The following DTNA variants were observed in gnomAD, a reference collection of about 807,000 sequenced individuals.
The protein encoded by DTNA is dystrophin-related protein 3.
In DTNA, 43 loss-of-function variants were observed where a neutral mutation model predicts 100.7. The observed-to-expected ratio is 0.43, with a 90% CI of 0.33 to 0.55. DTNA has a LOEUF of 0.55. Among genes scored for constraint, DTNA ranks in the 20% least tolerant of loss-of-function variants. DTNA has a pLI of 0.04. For synonymous variants in DTNA, 349 were observed against 347.9 expected (o/e 1.00, Z -0.04); for missense variants, 798 against 953.9 (o/e 0.84, Z 2.15).
Position 34,766,004 on chromosome 18 carries a change from A to G in DTNA, c.111A>G (p.Thr37=), listed in dbSNP as rs771774191. The stretch of plus-strand genomic sequence containing the variant: ...GCATCCGACTCTCCACCTACAGAAC[A>G]GCATGCAAGCTTAGGTTTGTTCAGA... ...LDRIRLSTYR[T]ACKLRFVQKK... The change falls in exon 3 of 23, where the codon ACA becomes ACG. Residue 37 remains threonine, a synonymous_variant. Coordinates refer to ENST00000444659, the MANE Select transcript of DTNA (RefSeq NM_001386795.1). 6.2e-7 allele frequency: 1 copy of G among 1,613,844 alleles called. No homozygotes were observed. The highest frequency in any genetic ancestry group is 8.5e-7 in the Non-Finnish European group (1 of 1,179,762).
At chr18:34,557,129 T>A (rs542507856) in intron 1 of DTNA, among the ~76,000 whole-genome samples, 1 of 148,006 alleles carries the variant, frequency 6.8e-6, no homozygotes, top group African/African-American at 2.6e-5. Context: ...CATCTTCCAT[T>A]GCTGATACCC....
intron 1 of DTNA, among the ~76,000 whole-genome samples, chr18:34,631,636 C>A (rs1189934683): frequency 6.6e-6 from 1 of 152,198 alleles, no homozygotes; most frequent in East Asian, 1.9e-4. Flanking sequence ...AAAGCACATT[C>A]TTTTAATTCA....
At chr18:34,823,233 C>A (rs1392023029) in intron 9 of DTNA, among the ~76,000 whole-genome samples, 1 of 152,002 alleles carries the variant, frequency 6.6e-6, no homozygotes, top group Admixed American at 6.6e-5. Context: ...TGGTATTAAG[C>A]CTTAATCATT....
At chr18:34,539,463 A>T (rs762717544) in intron 1 of DTNA, among the ~76,000 whole-genome samples, 4 of 151,970 alleles carry the variant, frequency 2.6e-5, no homozygotes, top group African/African-American at 9.7e-5. Context: ...TAATTTAGAA[A>T]ATTAGGGGCA....
chr18:34,843,716 C>CAT (rs1338412379), intron 13 of DTNA, among the ~76,000 whole-genome samples: 2 of 152,050 alleles, frequency 1.3e-5, no homozygotes, highest in Non-Finnish European at 2.9e-5. Context: ...TGAGGGTATT[C>CAT]ATATGCTTTA....
chr18:34,890,593 C>T lies in DTNA; in HGVS notation c.*2859C>T. The T allele has an allele frequency of 8.7e-7, 1 of 1,149,356 alleles. No homozygotes were observed. The highest frequency in any genetic ancestry group is 1.2e-6 in the Non-Finnish European group (1 of 834,406). The allele number at this position is 1,149,356 out of a possible 1,614,324, so 71.2% of individuals were successfully genotyped here. A position where few individuals can be genotyped will look rare whatever the true frequency, so the allele number is the denominator to read the frequency against. On this transcript the variant is annotated 3_prime_UTR_variant, in exon 23 of 23. Coordinates refer to ENST00000444659, the MANE Select transcript of DTNA (RefSeq NM_001386795.1). ...GCACTGGTCTAACACAGCCAACCCTCCTCCACAGCGCCATATTAATGGAGG... is the reference window on the plus strand; with the variant it reads ...GCACTGGTCTAACACAGCCAACCCTTCTCCACAGCGCCATATTAATGGAGG...
At chr18:34,773,393 C>G (rs867349815) in intron 3 of DTNA, among the ~76,000 whole-genome samples, 1 of 152,086 alleles carries the variant, frequency 6.6e-6, no homozygotes, top group Non-Finnish European at 1.5e-5. Flanking sequence ...CAAGAGAAAT[C>G]GAACCAGAGA....
chr18:34,502,233 G>A (rs1211499539), intron 1 of DTNA, among the ~76,000 whole-genome samples: 1 of 152,090 alleles, frequency 6.6e-6, no homozygotes, highest in Admixed American at 6.6e-5. Context: ...TTTCATTCCT[G>A]ATGTTACTAA....
intron 13 of DTNA, among the ~76,000 whole-genome samples, chr18:34,847,734 T>C (rs2096405743): frequency 6.6e-6 from 1 of 152,204 alleles, no homozygotes; most frequent in Non-Finnish European, 1.5e-5. Context: ...AAGTCCAAGA[T>C]GGAAGCCATG....
chr18:34,781,389 T>C (rs143780276), intron 3 of DTNA, among the ~76,000 whole-genome samples: 176 of 152,344 alleles, frequency 1.2e-3, no homozygotes, highest in Middle Eastern at 6.8e-3. Context: ...CATTTCTTTG[T>C]GATTAGAGCA....
intron 17 of DTNA, chr18:34,866,506 G>T (rs2096706089): frequency 2.6e-6 from 3 of 1,150,360 alleles, no homozygotes; most frequent in Non-Finnish European, 3.2e-6. Context: ...ATACCCTGAG[G>T]TTCATGTCAT....
chr18:34,643,090 A>G (rs1302968742), intron 1 of DTNA, among the ~76,000 whole-genome samples: 2 of 152,216 alleles, frequency 1.3e-5, no homozygotes. Context: ...TTTGACGACT[A>G]TTTCTGGTAA....
At chr18:34,734,896 TG>T (rs1162497762) in intron 1 of DTNA, among the ~76,000 whole-genome samples, 2 of 152,168 alleles carry the variant, frequency 1.3e-5, no homozygotes, top group Non-Finnish European at 2.9e-5. Context: ...CTTAGCATTT[TG>T]TGGTCTAATC....
intron 1 of DTNA, chr18:34,558,230 C>T (rs374444564): frequency 2.0e-4 from 30 of 153,172 alleles, no homozygotes; most frequent in Non-Finnish European, 2.0e-4. Flanking sequence ...CTTCGGCTCA[C>T]GCACGGTGTG....
At chr18:34,680,509 T>G (rs2077959436) in intron 1 of DTNA, among the ~76,000 whole-genome samples, 1 of 152,136 alleles carries the variant, frequency 6.6e-6, no homozygotes, top group Non-Finnish European at 1.5e-5. Context: ...ACAATTCCAA[T>G]AAAATAATGC....
At chr18:34,630,208 C>A (rs1470533279) in intron 1 of DTNA, among the ~76,000 whole-genome samples, 1 of 151,938 alleles carries the variant, frequency 6.6e-6, no homozygotes, top group Admixed American at 6.6e-5. Flanking sequence ...CACGTCTGGG[C>A]GGGTGATTTA....
At chr18:34,839,565 TAAAGGA>T (rs2149732276) in intron 13 of DTNA, among the ~76,000 whole-genome samples, 2 of 152,288 alleles carry the variant, frequency 1.3e-5, no homozygotes, top group East Asian at 3.9e-4. Flanking sequence ...CAGCTTGAAT[TAAAGGA>T]AAAGGACAAA....
At chr18:34,549,340 G>A (rs2045150112) in intron 1 of DTNA, among the ~76,000 whole-genome samples, 1 of 151,992 alleles carries the variant, frequency 6.6e-6, no homozygotes, top group African/African-American at 2.4e-5. Context: ...TATAATCGAA[G>A]CATTTCTTTC....
upstream of DTNA, chr18:34,709,645 G>A (rs1472943612): frequency 6.6e-6 from 1 of 152,152 alleles, no homozygotes; most frequent in Non-Finnish European, 1.5e-5. Context: ...AGCAAATATA[G>A]CCTGATCGAT....
Sources: allele counts gnomAD v4.1 joint callset (sites outside exome capture counted in the v4.1 genomes callset), GRCh38; gene constraint gnomAD v4.1.1; transcripts MANE v1.5; gene names NCBI Gene and HGNC (gene_info 2026-07-23, HGNC 2026-07-21).